Variants in PLXNA4 observed in about 807,000 individuals in gnomAD.
PLXNA4 encodes the protein plexin A4, also known as plexin-A4.
Under a neutral mutation model 191.8 loss-of-function variants are expected in PLXNA4, and 44 were observed. The ratio of observed to expected loss-of-function variants is 0.23; its 90% CI spans 0.18 to 0.29. PLXNA4 has a LOEUF of 0.29. PLXNA4 is among the 10% of genes least tolerant of loss of function. The pLI is 1.00. For missense variants in PLXNA4, 1,800 were observed against 2,488.8 expected, an observed-to-expected ratio of 0.72 and a Z score of 5.89; for synonymous variants, 1,082 against 1,009.5, an observed-to-expected ratio of 1.07 and a Z score of -1.36.
chr7:132,178,213 G>A (rs1796541108), intron 20 of PLXNA4, among the ~76,000 whole-genome samples: 1 of 152,114 alleles, frequency 6.6e-6, no homozygotes, highest in Non-Finnish European at 1.5e-5. Flanking sequence ...GCTGAAATGC[G>A]TCATGTTAAG....
Position 132,180,570 on chromosome 7 carries a change from G to A in PLXNA4, c.3639+16C>T, listed in dbSNP as rs1796671228. 1 of 1,613,964 alleles carries A rather than the reference G, an allele frequency of 6.2e-7. No homozygotes were observed. Among genetic ancestry groups the A allele is most frequent in the Non-Finnish European group, 8.5e-7 (1 of 1,179,986 alleles). ...TACTGCCCGCTCCATCCAGGATGGGGTTCTGCCAGCCTCACCATCACTTTG... is the reference window on the plus strand; with the variant it reads ...TACTGCCCGCTCCATCCAGGATGGGATTCTGCCAGCCTCACCATCACTTTG... On this transcript the variant is annotated intron_variant, in intron 19 of 31. Transcript: ENST00000321063.
chr7:132,258,637 T>G (rs1799516790), intron 4 of PLXNA4, among the ~76,000 whole-genome samples: 3 of 152,202 alleles, frequency 2.0e-5, no homozygotes, highest in Admixed American at 1.3e-4. Flanking sequence ...GACACTCATG[T>G]GCACAATTCT....
chr7:132,535,598 G>A (rs963288208), intron 1 of PLXNA4, among the ~76,000 whole-genome samples: 12 of 152,000 alleles, frequency 7.9e-5, no homozygotes, highest in South Asian at 4.2e-4. Flanking sequence ...GATGGCAGCC[G>A]CCCCATAGCC....
At chr7:132,158,596 T>C (rs2116625069) in intron 25 of PLXNA4, among the ~76,000 whole-genome samples, 1 of 152,356 alleles carries the variant, frequency 6.6e-6, no homozygotes, top group Non-Finnish European at 1.5e-5. Context: ...ATGATCTCAC[T>C]GAATTCTTAC....
At chr7:132,589,075 T>C (rs551993429) in intron 2 of PLXNA4, among the ~76,000 whole-genome samples, 1 of 152,330 alleles carries the variant, frequency 6.6e-6, no homozygotes, top group South Asian at 2.1e-4. Context: ...TCATATCATG[T>C]TTAGAATCAT....
intron 3 of PLXNA4, among the ~76,000 whole-genome samples, chr7:132,396,251 A>T (rs1793751042): frequency 6.6e-6 from 1 of 152,194 alleles, no homozygotes; most frequent in Non-Finnish European, 1.5e-5. Context: ...CATAAAGGGA[A>T]TGGGGAGAGC....
intron 25 of PLXNA4, among the ~76,000 whole-genome samples, chr7:132,157,789 C>T (rs1367961111): frequency 3.9e-5 from 6 of 152,206 alleles, no homozygotes; most frequent in Non-Finnish European, 8.8e-5. Context: ...CTCAATTCTC[C>T]CTGGAAAAAC....
intron 2 of PLXNA4, among the ~76,000 whole-genome samples, chr7:132,504,386 A>C (rs79524228): frequency 0.048 from 7,316 of 152,272 alleles, 496 homozygotes; most frequent in East Asian, 0.25. Flanking sequence ...CAGGTGGCCC[A>C]GGAGTTTTGC....
At chr7:132,157,810 G>A (rs1023424835) in intron 25 of PLXNA4, among the ~76,000 whole-genome samples, 1 of 152,246 alleles carries the variant, frequency 6.6e-6, no homozygotes, top group African/African-American at 2.4e-5. Flanking sequence ...CCATTAAGGA[G>A]TATTCCACTC....
At chr7:132,311,705 T>A (rs1363153767) in intron 3 of PLXNA4, among the ~76,000 whole-genome samples, 1 of 152,058 alleles carries the variant, frequency 6.6e-6, no homozygotes, top group Non-Finnish European at 1.5e-5. Flanking sequence ...ACTGCCCACA[T>A]CTTACTTTTT....
chr7:132,381,791 G>A (rs1010117258), intron 3 of PLXNA4, among the ~76,000 whole-genome samples: 2 of 152,166 alleles, frequency 1.3e-5, no homozygotes, highest in African/African-American at 2.4e-5. Context: ...AATGGAGAGC[G>A]CCAGGAGCCC....
intron 4 of PLXNA4, among the ~76,000 whole-genome samples, chr7:132,283,175 T>C (rs753601526): frequency 4.0e-5 from 6 of 151,884 alleles, no homozygotes; most frequent in African/African-American, 7.3e-5. Context: ...CCAGCTAGCA[T>C]CCAACTTTAA....
intron 29 of PLXNA4, 147 bp from the exon 30 acceptor site, chr7:132,140,958 G>T: frequency 7.1e-7 from 1 of 1,402,200 alleles, no homozygotes. Context: ...GATGTGCCAG[G>T]GAAGGGAGGT....
chr7:132,513,965 T>A (rs995782938), intron 1 of PLXNA4, among the ~76,000 whole-genome samples: 2 of 152,048 alleles, frequency 1.3e-5, no homozygotes, highest in South Asian at 4.2e-4. Context: ...CATGAGCCAC[T>A]GTACCTGGCC....
At chr7:132,566,572 T>C (rs549127877) in intron 1 of PLXNA4, among the ~76,000 whole-genome samples, 1 of 152,304 alleles carries the variant, frequency 6.6e-6, no homozygotes, top group South Asian at 2.1e-4. Context: ...AGAACATTTA[T>C]CTTTGTCAGT....
chr7:132,488,521 A>G (rs1220395432), intron 3 of PLXNA4, among the ~76,000 whole-genome samples: 1 of 152,244 alleles, frequency 6.6e-6, no homozygotes. Context: ...ATTGGCCAAC[A>G]GGAAACAGGA....
At chr7:132,201,953 T>C (rs1399482137) in intron 12 of PLXNA4, among the ~76,000 whole-genome samples, 1 of 152,138 alleles carries the variant, frequency 6.6e-6, no homozygotes, top group African/African-American at 2.4e-5. Context: ...CCAGCTCCCA[T>C]GTGAGAGGGA....
intron 2 of PLXNA4, among the ~76,000 whole-genome samples, chr7:132,496,022 C>T (rs1160995251): frequency 6.6e-6 from 1 of 152,204 alleles, no homozygotes; most frequent in African/African-American, 2.4e-5. Context: ...GCCTCTTTCC[C>T]AGTGTGGGGA....
chr7:132,608,683 A>T (rs1470028317), intron 2 of PLXNA4, among the ~76,000 whole-genome samples: 2 of 151,708 alleles, frequency 1.3e-5, no homozygotes, highest in Non-Finnish European at 2.9e-5. Flanking sequence ...CCCTCCCAGC[A>T]TCCCCCACCC....
Sources: allele counts gnomAD v4.1 joint callset (sites outside exome capture counted in the v4.1 genomes callset), GRCh38; gene constraint gnomAD v4.1.1; transcripts MANE v1.5; gene names NCBI Gene and HGNC (gene_info 2026-07-23, HGNC 2026-07-21).